Variants in SGPL1 observed in about 807,000 individuals in gnomAD.
SGPL1 encodes the protein SP-lyase 1.
A neutral mutation model predicts 68.9 loss-of-function variants in SGPL1; 37 were observed. The ratio of observed to expected loss-of-function variants is 0.54; its 90% CI spans 0.41 to 0.71. The LOEUF is 0.71. Among genes scored for constraint, SGPL1 ranks in the 30% least tolerant of loss-of-function variants. SGPL1 has a pLI of 0.00. For synonymous variants in SGPL1, 236 were observed against 248.5 expected (o/e 0.95, Z 0.47); for missense variants, 551 against 704.6 (o/e 0.78, Z 2.47).
intron 2 of SGPL1, among the ~76,000 whole-genome samples, chr10:70,836,908 C>G (rs1447928288): frequency 6.6e-6 from 1 of 151,956 alleles, no homozygotes; most frequent in South Asian, 2.1e-4. Context: ...CATTCTTAAT[C>G]TAATAGCCTC....
chr10:70,871,741 C>T, intron 10 of SGPL1, 96 bp from the exon 11 acceptor site: 1 of 1,154,238 alleles, frequency 8.7e-7, no homozygotes. Context: ...ACAAAATAGC[C>T]TTGTGTTTAT....
At chr10:70,866,906 G>A (rs1846201072) in intron 7 of SGPL1, among the ~76,000 whole-genome samples, 1 of 152,102 alleles carries the variant, frequency 6.6e-6, no homozygotes, top group African/African-American at 2.4e-5. Context: ...TTCTATGTGT[G>A]GATATTATTT....
intron 9 of SGPL1, 73 bp downstream of exon 9, chr10:70,869,970 T>G: frequency 8.1e-7 from 1 of 1,235,330 alleles, no homozygotes. Flanking sequence ...TGACTAGCCG[T>G]TTCCAGTCAG....
chr10:70,860,705 A>T (rs1258157674), intron 7 of SGPL1, among the ~76,000 whole-genome samples: 1 of 152,204 alleles, frequency 6.6e-6, no homozygotes, highest in Non-Finnish European at 1.5e-5. Context: ...GTAAATTTGA[A>T]GATACATATA....
chr10:70,874,593 C>T (rs559034754), intron 12 of SGPL1, among the ~76,000 whole-genome samples: 4 of 152,206 alleles, frequency 2.6e-5, no homozygotes, highest in Non-Finnish European at 5.9e-5. Flanking sequence ...CGTGGTGGCG[C>T]ATGCCTGTAA....
At chr10:70,872,782 A>G (rs1034098037) in intron 11 of SGPL1, among the ~76,000 whole-genome samples, 2 of 152,196 alleles carry the variant, frequency 1.3e-5, no homozygotes, top group African/African-American at 4.8e-5. Context: ...TAATGAAATT[A>G]GTTCCACGTT....
At chr10:70,844,715 A>G in intron 3 of SGPL1, 77 bp downstream of exon 3, 1 of 1,327,596 alleles carries the variant, frequency 7.5e-7, no homozygotes, top group Non-Finnish European at 1.0e-6. Flanking sequence ...GATAGGACTA[A>G]TTTATTGCCT....
At chr10:70,832,463 T>C (rs1004203416) in intron 2 of SGPL1, among the ~76,000 whole-genome samples, 5 of 152,168 alleles carry the variant, frequency 3.3e-5, no homozygotes, top group Non-Finnish European at 5.9e-5. Flanking sequence ...CAGACAAAGA[T>C]AGAGAATTCT....
chr10:70,865,703 C>T (rs1763491412), intron 7 of SGPL1, among the ~76,000 whole-genome samples: 1 of 152,200 alleles, frequency 6.6e-6, no homozygotes. Flanking sequence ...CTCTCTCATT[C>T]TTTGTTCTTC....
At chr10:70,857,806 A>G in intron 6 of SGPL1, 116 bp downstream of exon 6, 2 of 576,698 alleles carry the variant, frequency 3.5e-6, no homozygotes, top group Non-Finnish European at 3.0e-6. Flanking sequence ...TATTGGTACA[A>G]TAAAACCATA....
chr10:70,817,308 C>T (rs1845250861), intron 2 of SGPL1, among the ~76,000 whole-genome samples: 1 of 152,322 alleles, frequency 6.6e-6, no homozygotes, highest in East Asian at 1.9e-4. Flanking sequence ...CGTGAGCCAC[C>T]GCGCCTGGCC....
intron 4 of SGPL1, among the ~76,000 whole-genome samples, chr10:70,853,226 C>T (rs1240305389): frequency 1.3e-5 from 2 of 152,216 alleles, no homozygotes; most frequent in African/African-American, 4.8e-5. Context: ...GTGTGGGCCT[C>T]TTAGACTATT....
chr10:70,822,151 T>G (rs1433198846), intron 2 of SGPL1, among the ~76,000 whole-genome samples: 2 of 152,226 alleles, frequency 1.3e-5, no homozygotes, highest in African/African-American at 4.8e-5. Context: ...TTCTATTATT[T>G]GAGCCTTGTG....
At chr10:70,862,198 C>T (rs1013735104) in intron 7 of SGPL1, among the ~76,000 whole-genome samples, 1 of 152,216 alleles carries the variant, frequency 6.6e-6, no homozygotes, top group African/African-American at 2.4e-5. Context: ...CACTCTGTAT[C>T]TAGCTCAAGG....
At chr10:70,839,794 A>G (rs762963812) in intron 2 of SGPL1, among the ~76,000 whole-genome samples, 23 of 152,232 alleles carry the variant, frequency 1.5e-4, no homozygotes, top group African/African-American at 4.3e-4. Flanking sequence ...TGCCATCTCT[A>G]TCTAGATCAG....
Position 70,851,192 on chromosome 10 carries a change from G to A in SGPL1, c.243G>A (p.Met81Ile). Reference sequence around the variant, plus strand: ...AATGTTTTAAGCTCACCAGGAAGATGCCCATTATTGGTCGTAAGGTAAGTA... The same window carrying A: ...AATGTTTTAAGCTCACCAGGAAGATACCCATTATTGGTCGTAAGGTAAGTA... ...KKKCFKLTRK[M>I]PIIGRKIQDK... The change falls in exon 4 of 15, where the codon ATG (methionine) becomes ATA (isoleucine). Residue 81 changes from methionine to isoleucine, a missense_variant. Physicochemically the swap from Met to Ile is conservative, Grantham distance 10. Transcript: ENST00000373202. 1 of 1,613,560 alleles carries A rather than the reference G, an allele frequency of 6.2e-7. No individual in the cohort carries two copies. The highest frequency in any genetic ancestry group is 8.5e-7 in the Non-Finnish European group (1 of 1,179,514).
intron 2 of SGPL1, among the ~76,000 whole-genome samples, chr10:70,827,453 G>A (rs902901461): frequency 3.3e-5 from 5 of 152,160 alleles, no homozygotes; most frequent in African/African-American, 1.2e-4. Context: ...CATCTTGTAA[G>A]TTGAGCTTTT....
chr10:70,868,840 G>T (rs527524980), intron 8 of SGPL1, among the ~76,000 whole-genome samples: 1 of 152,258 alleles, frequency 6.6e-6, no homozygotes, highest in Admixed American at 6.5e-5. Flanking sequence ...GGCTGCCTCA[G>T]GGTACTCTCT....
Position 70,879,639 on chromosome 10 carries a change from A to G in SGPL1, c.*2304A>G, listed in dbSNP as rs113438618. ...ATGTGCCCCTGTAGAGCGTCTCCCC[A>G]GAACCAGACCCCGAGCCACTCGCTT... On this transcript the variant is annotated 3_prime_UTR_variant, in exon 15 of 15. Transcript: ENST00000373202. 0.04 allele frequency: 6,063 copies of G among 152,478 alleles called. 188 individuals are homozygous for G. Among genetic ancestry groups the G allele is most frequent in the Non-Finnish European group, 0.061 (4,124 of 68,160 alleles). The allele number at this position is 152,478 out of a possible 1,614,324, so 9.4% of individuals were successfully genotyped here.
Sources: allele counts gnomAD v4.1 joint callset (sites outside exome capture counted in the v4.1 genomes callset), GRCh38; gene constraint gnomAD v4.1.1; transcripts MANE v1.5; gene names NCBI Gene and HGNC (gene_info 2026-07-23, HGNC 2026-07-21).